The following NTNG1 variants were observed in gnomAD, a reference collection of about 807,000 sequenced individuals.
NTNG1 encodes the protein netrin-G1.
Under a neutral mutation model 54.0 loss-of-function variants are expected in NTNG1, and 16 were observed. That is an observed-to-expected ratio of 0.30 (90% CI 0.20 to 0.45). The LOEUF (loss-of-function observed/expected upper bound fraction) is 0.45, where lower values mean the gene tolerates loss of function less well. NTNG1 is among the 20% of genes least tolerant of loss of function. The probability of loss-of-function intolerance (pLI) is 1.00; values close to 1 mark genes in which losing one functional copy is unlikely to be tolerated. For synonymous variants in NTNG1, 255 were observed against 263.1 expected (o/e 0.97, Z 0.30); for missense variants, 530 against 678.7 (o/e 0.78, Z 2.43).
chr1:107,253,829 A>C (rs1186301820), intron 2 of NTNG1, among the ~76,000 whole-genome samples: 2 of 152,220 alleles, frequency 1.3e-5, no homozygotes, highest in Admixed American at 1.3e-4. Flanking sequence ...TCTCGAAATT[A>C]GTATTCTTTT....
intron 5 of NTNG1, chr1:107,407,953 G>A (rs1283000198): frequency 2.9e-6 from 2 of 700,154 alleles, no homozygotes; most frequent in South Asian, 2.7e-5. Flanking sequence ...CTTAACCAGT[G>A]AGGGCTACCT....
At chr1:107,272,933 A>C (rs1664235995) in intron 2 of NTNG1, among the ~76,000 whole-genome samples, 1 of 152,214 alleles carries the variant, frequency 6.6e-6, no homozygotes, top group Admixed American at 6.5e-5. Context: ...ATACAAACTA[A>C]TCTAAAGCAT....
At chr1:107,228,378 T>C (rs910490151) in intron 2 of NTNG1, among the ~76,000 whole-genome samples, 4 of 152,186 alleles carry the variant, frequency 2.6e-5, no homozygotes, top group African/African-American at 7.2e-5. Flanking sequence ...ATATATATAA[T>C]AGTTTTTCAT....
chr1:107,228,247 A>G (rs1446299807), intron 2 of NTNG1, among the ~76,000 whole-genome samples: 1 of 151,994 alleles, frequency 6.6e-6, no homozygotes, highest in East Asian at 1.9e-4. Context: ...GTATTCATCT[A>G]CTCTCACTTT....
chr1:107,428,040 G>T (rs1470173325), intron 5 of NTNG1, among the ~76,000 whole-genome samples: 1 of 152,066 alleles, frequency 6.6e-6, no homozygotes, highest in Non-Finnish European at 1.5e-5. Context: ...GTTTTATCAG[G>T]TAGATTAAAG....
chr1:107,224,064 ACTT>A (rs1191161580), intron 2 of NTNG1, among the ~76,000 whole-genome samples: 1 of 152,200 alleles, frequency 6.6e-6, no homozygotes, highest in Non-Finnish European at 1.5e-5. Context: ...GGACCAGTTA[ACTT>A]CTTCTCATTC....
Position 107,279,786 on chromosome 1 carries a change from A to T in NTNG1, c.247-44496A>T, listed in dbSNP as rs538110387. The stretch of plus-strand genomic sequence containing the variant: ...TTAAAGCATTACTCCATTGGCTTTT[A>T]TTTTTCATTTTTAATATTTTTAAAG... On this transcript the variant is annotated intron_variant, in intron 2 of 7. Coordinates refer to ENST00000370068, the MANE Select transcript of NTNG1 (RefSeq NM_001113226.3). 1.9e-3 allele frequency among the ~76,000 whole-genome samples: 286 copies of T among 151,998 alleles called. 1 individual carries two copies. The highest frequency in any genetic ancestry group is 0.016 in the Admixed American group (242 of 15,254).
At chr1:107,336,293 C>A (rs1668574142) in intron 3 of NTNG1, among the ~76,000 whole-genome samples, 1 of 150,604 alleles carries the variant, frequency 6.6e-6, no homozygotes, top group South Asian at 2.1e-4. Flanking sequence ...ATAGACAGTC[C>A]CAAAATAAAC....
At chr1:107,140,667 T>C (rs575985685), upstream of NTNG1, among the ~76,000 whole-genome samples, 2 of 149,502 alleles carry the variant, frequency 1.3e-5, no homozygotes, top group East Asian at 4.0e-4. Context: ...CGTCTTCATC[T>C]GAAATAAAAT....
chr1:107,416,383 T>C (rs2101204571), intron 5 of NTNG1, among the ~76,000 whole-genome samples: 1 of 152,202 alleles, frequency 6.6e-6, no homozygotes. Context: ...ATATGTTAGA[T>C]ACACAATACA....
At chr1:107,448,708 C>T (rs1164662044) in intron 7 of NTNG1, among the ~76,000 whole-genome samples, 2 of 152,050 alleles carry the variant, frequency 1.3e-5, no homozygotes, top group Non-Finnish European at 2.9e-5. Context: ...CAAGGGCATA[C>T]ATACACCTTG....
At chr1:107,177,516 G>A (rs533011450) in intron 2 of NTNG1, among the ~76,000 whole-genome samples, 2 of 152,046 alleles carry the variant, frequency 1.3e-5, no homozygotes, top group Non-Finnish European at 2.9e-5. Flanking sequence ...TGTAGTTTTA[G>A]TATAGATGGG....
intron 3 of NTNG1, among the ~76,000 whole-genome samples, chr1:107,335,419 A>G (rs889732645): frequency 6.6e-6 from 1 of 152,020 alleles, no homozygotes; most frequent in African/African-American, 2.4e-5. Context: ...CTGAGGAGAC[A>G]TGGAAACAGG....
At chr1:107,385,247 G>A (rs1899775) in intron 3 of NTNG1, among the ~76,000 whole-genome samples, 6 of 152,038 alleles carry the variant, frequency 3.9e-5, no homozygotes, top group African/African-American at 7.3e-5. Flanking sequence ...TTTGACACAC[G>A]TTCCCTAATT....
At chr1:107,143,775 GT>G (rs1006945219) in intron 1 of NTNG1, among the ~76,000 whole-genome samples, 9 of 152,158 alleles carry the variant, frequency 5.9e-5, no homozygotes, top group Admixed American at 2.0e-4. Context: ...TTAAATATTT[GT>G]TTTTCATGTG....
chr1:107,284,439 A>G (rs560308274), intron 2 of NTNG1, among the ~76,000 whole-genome samples: 15 of 152,136 alleles, frequency 9.9e-5, no homozygotes, highest in Non-Finnish European at 1.9e-4. Context: ...TATATATGCA[A>G]TAATGGTATT....
chr1:107,309,398 A>G (rs912012149), intron 2 of NTNG1, among the ~76,000 whole-genome samples: 4 of 152,214 alleles, frequency 2.6e-5, no homozygotes, highest in Non-Finnish European at 5.9e-5. Flanking sequence ...CAGATACAGC[A>G]TTTAATTAGA....
chr1:107,240,035 T>C (rs1257540802), intron 2 of NTNG1, among the ~76,000 whole-genome samples: 1 of 152,220 alleles, frequency 6.6e-6, no homozygotes, highest in African/African-American at 2.4e-5. Context: ...ATCACAGACA[T>C]AGAACATTTC....
rs1253882908 is a variant in NTNG1 at position 107,483,735 on chromosome 1, G to C, written c.*2895G>C. On this transcript the variant is annotated 3_prime_UTR_variant, in exon 8 of 8. Transcript: ENST00000370068. ...AGTGGCTTAATGTAGTCTTGCATAT[G>C]AGTTAATCTATCAACTTTCCCACAT... is the stretch of plus-strand genomic sequence containing the variant. 6.6e-6 allele frequency among the ~76,000 whole-genome samples: 1 copy of C among 152,150 alleles called. No individual in the cohort carries two copies. Among genetic ancestry groups the C allele is most frequent in the East Asian group, 1.9e-4 (1 of 5,190 alleles).
Sources: allele counts gnomAD v4.1 joint callset (sites outside exome capture counted in the v4.1 genomes callset), GRCh38; gene constraint gnomAD v4.1.1; transcripts MANE v1.5; gene names NCBI Gene and HGNC (gene_info 2026-07-23, HGNC 2026-07-21).